LRRC4C: variants seen among roughly 807,000 people sequenced by gnomAD.
LRRC4C encodes leucine rich repeat containing 4C.
Under a neutral mutation model 33.6 loss-of-function variants are expected in LRRC4C, and 5 were observed. The ratio of observed to expected loss-of-function variants is 0.15; its 90% CI spans 0.08 to 0.31. LRRC4C has a LOEUF of 0.31. Among genes scored for constraint, LRRC4C ranks in the 10% least tolerant of loss-of-function variants. The pLI, the probability that LRRC4C is intolerant of heterozygous loss-of-function variation, is 1.00. For synonymous variants in LRRC4C, 329 were observed against 302.0 expected (o/e 1.09, Z -0.93); for missense variants, 560 against 796.7 (o/e 0.70, Z 3.58).
rs999140373 is a variant in LRRC4C at position 40,239,233 on chromosome 11, T to G, written c.-96+2286A>C. Among the ~76,000 whole-genome samples, 5 of 152,164 alleles carry G rather than the reference T, an allele frequency of 3.3e-5. No individual in the cohort carries two copies. In the East Asian group the frequency reaches 5.8e-4, roughly 18 times the overall value. On this transcript the variant is annotated intron_variant, in intron 5 of 6. Coordinates refer to ENST00000528697, the MANE Select transcript of LRRC4C (RefSeq NM_001258419.2). ...CTCTCTAAGCATATTTTCCCCCAAA[T>G]CTAGTGTTTTTAAGCTCAAACTGCC...
chr11:40,506,040 A>C (rs1955018801), intron 3 of LRRC4C, among the ~76,000 whole-genome samples: 1 of 152,170 alleles, frequency 6.6e-6, no homozygotes. Flanking sequence ...CTACAGACTT[A>C]CAGTGAACTT....
intron 5 of LRRC4C, among the ~76,000 whole-genome samples, chr11:40,151,762 A>G (rs1030436143): frequency 2.6e-5 from 4 of 152,222 alleles, no homozygotes; most frequent in African/African-American, 9.6e-5. Context: ...GAAACAAGGC[A>G]ACATGAGATC....
In LRRC4C at chr11:41,139,950, A is replaced by G. The variant is rs570752708; in HGVS notation, c.-495-206227T>C. Among the ~76,000 whole-genome samples the G allele has an allele frequency of 1.5e-3, 221 of 152,280 alleles. 1 individual carries two copies. The highest frequency in any genetic ancestry group is 5.1e-3 in the African/African-American group (211 of 41,546). On this transcript the variant is annotated intron_variant, in intron 1 of 6. Coordinates refer to ENST00000528697, the MANE Select transcript of LRRC4C (RefSeq NM_001258419.2). ...CACTTTCTGACCTCTGCGATTTGAC[A>G]ATCCTGGTGTATAAGATAGCCCTTT...
intron 1 of LRRC4C, among the ~76,000 whole-genome samples, chr11:41,306,879 T>C (rs1950519381): frequency 6.6e-6 from 1 of 152,134 alleles, no homozygotes. Context: ...TTCGAAAAAT[T>C]AAGAAGACAC....
chr11:40,911,590 T>C (rs1956691238), intron 2 of LRRC4C, among the ~76,000 whole-genome samples: 2 of 151,826 alleles, frequency 1.3e-5, no homozygotes, highest in Admixed American at 6.6e-5. Context: ...ACCACAAAGA[T>C]GGGGAAACAA....
At chr11:41,185,901 T>C (rs1945674604) in intron 1 of LRRC4C, among the ~76,000 whole-genome samples, 2 of 151,998 alleles carry the variant, frequency 1.3e-5, no homozygotes, top group Admixed American at 6.6e-5. Context: ...GTAAATTAAA[T>C]TAAAATGTAT....
At chr11:41,056,797 C>A (rs1217116634) in intron 1 of LRRC4C, among the ~76,000 whole-genome samples, 1 of 152,204 alleles carries the variant, frequency 6.6e-6, no homozygotes, top group African/African-American at 2.4e-5. Flanking sequence ...AAAGGGAACA[C>A]ATATACTGCT....
chr11:41,314,492 A>G (rs999731259), intron 1 of LRRC4C, among the ~76,000 whole-genome samples: 13 of 152,170 alleles, frequency 8.5e-5, no homozygotes, highest in Non-Finnish European at 1.9e-4. Flanking sequence ...GTACTGTTAT[A>G]AAAAGACTCA....
intron 1 of LRRC4C, among the ~76,000 whole-genome samples, chr11:41,163,282 C>CTTTTTTTTTTTT (rs1207086558): frequency 5.9e-4 from 11 of 18,540 alleles, no homozygotes; most frequent in East Asian, 3.1e-3. Flanking sequence ...TTTACTGTAA[C>CTTTTTTTTTTTT]TGTTTTTTTT....
At chr11:41,073,124 T>G (rs1348405368) in intron 1 of LRRC4C, among the ~76,000 whole-genome samples, 1 of 152,180 alleles carries the variant, frequency 6.6e-6, no homozygotes, top group Non-Finnish European at 1.5e-5. Context: ...TAGTCTGTTT[T>G]GTGTTACTGT....
chr11:41,355,865 A>AATATATT (rs1443356049), intron 1 of LRRC4C, among the ~76,000 whole-genome samples: 1 of 152,106 alleles, frequency 6.6e-6, no homozygotes, highest in Non-Finnish European at 1.5e-5. Context: ...ACTAAGGAGA[A>AATATATT]TGTGAAAATA....
chr11:40,776,904 C>A (rs57951797), intron 2 of LRRC4C, among the ~76,000 whole-genome samples: 16,271 of 152,034 alleles, frequency 0.11, 1,269 homozygotes, highest in East Asian at 0.41. Context: ...TTTTGCATCC[C>A]AAATATTTTG....
Position 40,975,671 on chromosome 11 carries a change from C to T in LRRC4C, c.-495-41948G>A, listed in dbSNP as rs1393866392. Among the ~76,000 whole-genome samples the T allele has an allele frequency of 3.3e-5, 5 of 152,306 alleles. 1 individual carries two copies. In the South Asian group the frequency reaches 8.3e-4, roughly 25 times the overall value. The stretch of plus-strand genomic sequence containing the variant: ...TTTTTAATCTGTTCACAGAGGTGAA[C>T]TCATTTAATCTTCACAGCTCCATGC... On this transcript the variant is annotated intron_variant, in intron 1 of 6. Transcript: ENST00000528697.
chr11:40,226,622 A>G (rs573085771), intron 5 of LRRC4C, among the ~76,000 whole-genome samples: 55 of 152,180 alleles, frequency 3.6e-4, no homozygotes, highest in Non-Finnish European at 7.6e-4. Context: ...GAACATCAAT[A>G]GTGAGGCCAT....
intron 1 of LRRC4C, among the ~76,000 whole-genome samples, chr11:41,279,880 C>T (rs1160743018): frequency 6.6e-6 from 1 of 151,344 alleles, no homozygotes; most frequent in African/African-American, 2.4e-5. Flanking sequence ...TATTATTATA[C>T]ACTATTATAT....
At chr11:40,268,108 A>T (rs1942420758) in intron 4 of LRRC4C, among the ~76,000 whole-genome samples, 1 of 152,186 alleles carries the variant, frequency 6.6e-6, no homozygotes, top group Admixed American at 6.5e-5. Context: ...CCACTTTTTC[A>T]TATAGTACAG....
chr11:40,721,302 C>A (rs1357551714), intron 2 of LRRC4C, among the ~76,000 whole-genome samples: 2 of 152,126 alleles, frequency 1.3e-5, no homozygotes, highest in Non-Finnish European at 2.9e-5. Flanking sequence ...TCCATTTGTG[C>A]CCTCTGCCCT....
At chr11:40,796,049 T>C (rs1209239718) in intron 2 of LRRC4C, among the ~76,000 whole-genome samples, 1 of 152,216 alleles carries the variant, frequency 6.6e-6, no homozygotes. Flanking sequence ...CCTAGAATGA[T>C]GTTTTTCTTC....
chr11:40,585,117 G>A (rs1264404336), intron 3 of LRRC4C, among the ~76,000 whole-genome samples: 3 of 152,072 alleles, frequency 2.0e-5, no homozygotes, highest in Non-Finnish European at 4.4e-5. Context: ...TATGCAGATA[G>A]GACCATGCAA....
Sources: gnomAD v4.1 joint callset for allele counts (sites outside exome capture counted in the v4.1 genomes callset) on GRCh38, gnomAD v4.1.1 for gene constraint, MANE v1.5 for transcripts, NCBI Gene and HGNC (gene_info 2026-07-23, HGNC 2026-07-21) for gene names.